Variants in MYH9 observed in about 807,000 individuals in gnomAD.
The protein encoded by MYH9 is myosin heavy chain 9, also known as myosin-9.
A neutral mutation model predicts 241.9 loss-of-function variants in MYH9; 29 were observed. The ratio of observed to expected loss-of-function variants is 0.12; its 90% CI spans 0.09 to 0.16. The LOEUF is 0.16. Among genes scored for constraint, MYH9 ranks in the 10% least tolerant of loss-of-function variants. MYH9 has a pLI of 1.00. For synonymous variants in MYH9, 1,047 were observed against 1,062.6 expected, an observed-to-expected ratio of 0.99 and a Z score of 0.29; for missense variants, 1,803 against 2,595.5, an observed-to-expected ratio of 0.69 and a Z score of 6.63.
chr22:36,354,954 A>ACACACAC (rs1556643786), intron 1 of MYH9, among the ~76,000 whole-genome samples: 1 of 38,258 alleles, frequency 2.6e-5, no homozygotes, highest in East Asian at 1.2e-3. Flanking sequence ...AACAAAAAAC[A>ACACACAC]AAACACACAC....
At chr22:36,322,556 C>T (rs1036116027) in intron 5 of MYH9, 35 bp from the exon 6 acceptor site, 3 of 1,607,412 alleles carry the variant, frequency 1.9e-6, no homozygotes, top group Non-Finnish European at 2.6e-6. Flanking sequence ...GAAGGCCGGG[C>T]AGCGACCTGG....
At position 36,285,068 on chromosome 22, in the gene MYH9, G is replaced by A. The variant is rs2016555772; in HGVS notation, c.5483+53C>T. ...CCAGATTTGGGCAGGACTGCAGGGG[G>A]GCCAGAGTTTTTTCCAGGACAGCTG... On this transcript the variant is annotated intron_variant, in intron 38 of 40. Transcript: ENST00000216181. This position sits in a 1 kb window ranked among gnomAD's most constrained non-coding sequence, Gnocchi z 7.0. 7 of 1,561,600 alleles carry A rather than the reference G, an allele frequency of 4.5e-6. No homozygotes were observed. Among genetic ancestry groups the A allele is most frequent in the South Asian group, 1.1e-5 (1 of 89,298 alleles).
At chr22:36,342,429 G>A (rs1188245114) in intron 2 of MYH9, among the ~76,000 whole-genome samples, 2 of 152,142 alleles carry the variant, frequency 1.3e-5, no homozygotes, top group Admixed American at 6.5e-5. Flanking sequence ...CATAGCCTTG[G>A]AGAGGAGCTC....
intron 23 of MYH9, among the ~76,000 whole-genome samples, chr22:36,299,919 C>T (rs573245434): frequency 3.9e-5 from 6 of 152,334 alleles, no homozygotes; most frequent in South Asian, 4.1e-4. Flanking sequence ...ACAAACCCTT[C>T]CCCAGGGCCC....
intron 1 of MYH9, among the ~76,000 whole-genome samples, chr22:36,352,208 G>A (rs2017776025): frequency 6.6e-6 from 1 of 152,196 alleles, no homozygotes; most frequent in South Asian, 2.1e-4. Flanking sequence ...TGTGGGGAGT[G>A]GAGAGGAATG....
intron 1 of MYH9, among the ~76,000 whole-genome samples, chr22:36,366,711 C>G (rs1037005337): frequency 6.6e-6 from 1 of 152,150 alleles, no homozygotes; most frequent in Non-Finnish European, 1.5e-5. Context: ...TCACCCCTCC[C>G]ATCTCCAGGC....
At chr22:36,384,572 G>T in intron 1 of MYH9, among the ~76,000 whole-genome samples, 1 of 77,966 alleles carries the variant, frequency 1.3e-5, no homozygotes. Flanking sequence ...GACAGAGCAA[G>T]ACTCTGTCTC....
At chr22:36,348,444 G>A (rs1603484032) in intron 2 of MYH9, among the ~76,000 whole-genome samples, 1 of 150,034 alleles carries the variant, frequency 6.7e-6, no homozygotes, top group East Asian at 1.9e-4. Context: ...AGGAGACAGA[G>A]GTTACAGTGA....
chr22:36,312,249 G>A (rs1276021115), intron 13 of MYH9, 27 bp from the exon 14 acceptor site: 3 of 1,612,924 alleles, frequency 1.9e-6, no homozygotes, highest in East Asian at 2.2e-5. Flanking sequence ...ATCAGCACAG[G>A]TGAGTGCACC....
intron 15 of MYH9, chr22:36,308,768 C>T (rs1034291917): frequency 4.2e-5 from 40 of 963,698 alleles, no homozygotes; most frequent in Non-Finnish European, 2.2e-5. Context: ...GCTTTGGACG[C>T]ACCACACACA....
chr22:36,296,785 C>G, intron 25 of MYH9, 58 bp downstream of exon 25: 2 of 1,530,452 alleles, frequency 1.3e-6, no homozygotes, highest in Non-Finnish European at 8.8e-7. Context: ...GGGCCAGCAG[C>G]AAGCAGGAAG....
chr22:36,379,505 T>C (rs1294692634), intron 1 of MYH9, among the ~76,000 whole-genome samples: 1 of 152,080 alleles, frequency 6.6e-6, no homozygotes, highest in Admixed American at 6.5e-5. Context: ...CGAGACTCCG[T>C]CTCAGAAAAA....
intron 14 of MYH9, among the ~76,000 whole-genome samples, chr22:36,310,931 AT>A (rs1194186313): frequency 6.6e-6 from 1 of 152,046 alleles, no homozygotes; most frequent in Non-Finnish European, 1.5e-5. Context: ...TGGCTTTATT[AT>A]TTTTTTCATG....
chr22:36,358,986 C>T (rs1444701663), intron 1 of MYH9, among the ~76,000 whole-genome samples: 3 of 152,272 alleles, frequency 2.0e-5, no homozygotes, highest in African/African-American at 4.8e-5. Flanking sequence ...ATAATCAATT[C>T]CCCAGTCACA....
At chr22:36,354,696 G>C (rs1186231122) in intron 1 of MYH9, among the ~76,000 whole-genome samples, 1 of 151,698 alleles carries the variant, frequency 6.6e-6, no homozygotes, top group East Asian at 1.9e-4. Context: ...TGCCTGCCTC[G>C]GCCTCCCAAA....
intron 1 of MYH9, among the ~76,000 whole-genome samples, chr22:36,380,410 G>A (rs2018238411): frequency 6.6e-6 from 1 of 152,182 alleles, no homozygotes; most frequent in Non-Finnish European, 1.5e-5. Flanking sequence ...GAGTGGGAAG[G>A]GGCATAATAG....
Position 36,285,689 on chromosome 22 carries a change from A to G in MYH9, c.5243T>C (p.Ile1748Thr), listed in dbSNP as rs1156676703. The stretch of plus-strand genomic sequence containing the variant: ...GTTGGCCTTCTTCAGCCGGTCGTTG[A>G]TCAGCTCCGTGTTGCCCTGCTCCTC... ...LEEEQGNTEL[I>T]NDRLKKANLQ... The change falls in exon 37 of 41, where the codon ATC (isoleucine) becomes ACC (threonine). Residue 1748 changes from isoleucine (I) to threonine (T), a missense_variant. By Grantham distance (89) the Ile-to-Thr change is moderately conservative. This residue lies in a region of MYH9 where 876 missense variants were observed against 1,077.8 expected (regional missense o/e 0.81). Transcript: ENST00000216181. The surrounding 1 kb of genome is among the most constrained non-coding windows in gnomAD (Gnocchi z 7.0). 2 of 1,612,806 alleles carry G rather than the reference A, an allele frequency of 1.2e-6. No homozygotes were observed. Among genetic ancestry groups the G allele is most frequent in the Non-Finnish European group, 1.7e-6 (2 of 1,179,962 alleles).
rs115170675 is a variant in MYH9, at chr22:36,285,751, C to T, written c.5181G>A (p.Leu1727=). Residue 1727 remains leucine, a synonymous_variant, in exon 37 of 41, where the codon CTG becomes CTA. Coordinates refer to ENST00000216181, the MANE Select transcript of MYH9 (RefSeq NM_002473.6). This position sits in a 1 kb window ranked among gnomAD's most constrained non-coding sequence, Gnocchi z 7.0. ...CCTCCAGCTGGGCGATGCGGGCCTC[C>T]AGACGCCGCTTCTCCTCTAACGCCA... ...GALALEEKRR[L]EARIAQLEEE... 835 of 1,611,130 alleles carry T rather than the reference C, an allele frequency of 5.2e-4. 7 individuals are homozygous for T. In the African/African-American group the frequency reaches 9.6e-3, roughly 18 times the overall value.
intron 34 of MYH9, among the ~76,000 whole-genome samples, chr22:36,287,127 CCATGGTGCCACCCCTAATGCGCA>C (rs2016599028): frequency 6.6e-6 from 1 of 152,202 alleles, no homozygotes; most frequent in Non-Finnish European, 1.5e-5. Context: ...AAGCCAGTGC[CCATGGTGCCACCCCTAATGCGCA>C]CCTGCCACTC....
Sources: gnomAD v4.1 joint callset for allele counts (sites outside exome capture counted in the v4.1 genomes callset) on GRCh38, gnomAD v4.1.1 for gene constraint, gnomAD v4.1.1 regional missense constraint, Gnocchi (gnomAD v3.1) non-coding constraint, MANE v1.5 for transcripts, NCBI Gene and HGNC (gene_info 2026-07-23, HGNC 2026-07-21) for gene names.